The following ARMC7 variants were observed in gnomAD, a reference collection of about 807,000 sequenced individuals.
ARMC7 encodes armadillo repeat containing 7.
In ARMC7, 9 loss-of-function variants were observed where a neutral mutation model predicts 14.8. The observed-to-expected ratio is 0.61, with a 90% CI of 0.37 to 1.06. The LOEUF (loss-of-function observed/expected upper bound fraction) is 1.06. ARMC7 is among the 50% of genes least tolerant of loss of function. ARMC7 has a pLI of 0.01. For missense variants in ARMC7, 262 were observed against 267.1 expected, an observed-to-expected ratio of 0.98 and a Z score of 0.13; for synonymous variants, 125 against 123.4, an observed-to-expected ratio of 1.01 and a Z score of -0.09.
At chr17:75,117,072 T>C (rs190953308) in intron 2 of ARMC7, among the ~76,000 whole-genome samples, 35 of 152,258 alleles carry the variant, frequency 2.3e-4, no homozygotes, top group African/African-American at 8.2e-4. Context: ...GGCTTTGTTT[T>C]TGTTTTTGGT....
rs981930258 is a variant in ARMC7, at chr17:75,111,409, G to A, written c.235+803G>A. Among the ~76,000 whole-genome samples, 3 of 151,936 alleles carry A rather than the reference G, an allele frequency of 2.0e-5. No individual in the cohort carries two copies. In the South Asian group the frequency reaches 6.2e-4, roughly 32 times the overall value. ...TGTAGTGAGCCAAGATGGCACCACC[G>A]CACCCCAGCCTGGGCAACAGTGAGA... On this transcript the variant is annotated intron_variant, in intron 2 of 2. Transcript: ENST00000245543.
intron 2 of ARMC7, among the ~76,000 whole-genome samples, chr17:75,113,421 C>T (rs1313923543): frequency 1.3e-5 from 2 of 151,364 alleles, no homozygotes; most frequent in African/African-American, 4.9e-5. Flanking sequence ...GTGGCGCGAT[C>T]TCGGCTCACT....
intron 2 of ARMC7, among the ~76,000 whole-genome samples, chr17:75,113,480 A>G (rs1355450456): frequency 2.0e-5 from 3 of 147,680 alleles, no homozygotes; most frequent in Non-Finnish European, 4.5e-5. Context: ...TCAGCCTCCC[A>G]AGTAGCTGGG....
At chr17:75,119,829 T>C (rs1394434509) in intron 2 of ARMC7, among the ~76,000 whole-genome samples, 4 of 152,060 alleles carry the variant, frequency 2.6e-5, no homozygotes, top group Admixed American at 2.6e-4. Flanking sequence ...TAGCTGTATT[T>C]TGAGCTGCCC....
rs1280418296 is a variant in ARMC7, at chr17:75,110,545, C to A, written c.174C>A (p.Val58=). 6.2e-7 allele frequency: 1 copy of A among 1,614,226 alleles called. No individual in the cohort carries two copies. The change falls in exon 2 of 3, where the codon GTC becomes GTA. Residue 58 remains valine, a synonymous_variant. Coordinates refer to ENST00000245543, the MANE Select transcript of ARMC7 (RefSeq NM_024585.4). ...SNYEYLRQLQ[V]LDLFLDSLSE... is the part of the protein sequence containing the mutation. ...ACGAGTATCTGCGGCAGCTGCAGGT[C>A]CTGGATTTATTTCTCGATTCGCTGT... is the stretch of plus-strand genomic sequence containing the variant.
At chr17:75,110,434 C>G (rs1165696872) in intron 1 of ARMC7, 29 bp from the exon 2 acceptor site, 1 of 1,614,080 alleles carries the variant, frequency 6.2e-7, no homozygotes, top group African/African-American at 1.3e-5. Flanking sequence ...CCGCCCGGAC[C>G]TGGCTTCAGT....
intron 2 of ARMC7, among the ~76,000 whole-genome samples, chr17:75,124,850 A>G (rs2074039812): frequency 6.6e-6 from 1 of 152,208 alleles, no homozygotes; most frequent in African/African-American, 2.4e-5. Context: ...GGGTTCAGTC[A>G]TGTGTCCAGT....
At position 75,114,504 on chromosome 17, in the gene ARMC7, G is replaced by A. The variant is rs538753390; in HGVS notation, c.235+3898G>A. ...GGGTCCTGGAGTCCGCGGTCCCAGC[G>A]TCTCCACTTCTCAGCTGATTCCTAG... On this transcript the variant is annotated intron_variant, in intron 2 of 2. Transcript: ENST00000245543. 17 of 392,522 alleles carry A rather than the reference G, an allele frequency of 4.3e-5. No individual in the cohort carries two copies. In the South Asian group the frequency reaches 2.3e-3, roughly 53 times the overall value. 24.3% of individuals were successfully genotyped at this position (392,522 alleles called of 1,614,324 possible).
chr17:75,110,752 C>T (rs892802688), intron 2 of ARMC7, 146 bp downstream of exon 2: 2 of 1,123,706 alleles, frequency 1.8e-6, no homozygotes, highest in South Asian at 3.0e-5. Context: ...CACCTGAGGT[C>T]ATGAGTTCGA....
At chr17:75,124,852 G>A (rs2074039871) in intron 2 of ARMC7, among the ~76,000 whole-genome samples, 1 of 152,238 alleles carries the variant, frequency 6.6e-6, no homozygotes. Flanking sequence ...GTTCAGTCAT[G>A]TGTCCAGTGC....
intron 2 of ARMC7, among the ~76,000 whole-genome samples, chr17:75,113,213 G>A (rs1306325503): frequency 6.8e-6 from 1 of 146,780 alleles, no homozygotes; most frequent in Non-Finnish European, 1.5e-5. Context: ...TAGTAGAGAC[G>A]GGGTTTCACC....
At chr17:75,116,899 C>G (rs146352954) in intron 2 of ARMC7, among the ~76,000 whole-genome samples, 137 of 152,290 alleles carry the variant, frequency 9.0e-4, no homozygotes, top group African/African-American at 3.1e-3. Context: ...AGGTACCCTT[C>G]CATGCTGGCT....
chr17:75,115,696 AAAAACAAAC>A (rs767142922), intron 2 of ARMC7, among the ~76,000 whole-genome samples: 3 of 152,152 alleles, frequency 2.0e-5, no homozygotes, highest in Non-Finnish European at 2.9e-5. Context: ...CTGTCCCTAC[AAAAACAAAC>A]AAAACAAGTA....
chr17:75,114,583 G>C (rs2145120288), intron 2 of ARMC7: 1 of 394,986 alleles, frequency 2.5e-6, no homozygotes. Context: ...CCTTGCCTGC[G>C]TCGCAAGCAG....
intron 2 of ARMC7, chr17:75,114,038 G>A (rs2073953643): frequency 2.5e-6 from 1 of 397,516 alleles, no homozygotes; most frequent in Non-Finnish European, 4.5e-6. Flanking sequence ...GCCAGGGCAG[G>A]AGCCCCAGTT....
At chr17:75,121,745 G>A (rs1387165505) in intron 2 of ARMC7, among the ~76,000 whole-genome samples, 1 of 152,092 alleles carries the variant, frequency 6.6e-6, no homozygotes, top group Non-Finnish European at 1.5e-5. Context: ...ATTATGTTGA[G>A]TGTGTAGTGG....
At position 75,128,759 on chromosome 17, in the gene ARMC7, C is replaced by G. The variant is rs1337277526; in HGVS notation, c.318C>G (p.Cys106Trp). Residue 106 changes from cysteine (C) to tryptophan (W), a missense_variant, in exon 3 of 3, where the codon TGC becomes TGG. Physicochemically the swap from Cys to Trp is radical, Grantham distance 215 (BLOSUM62 -2). Coordinates refer to ENST00000245543, the MANE Select transcript of ARMC7 (RefSeq NM_024585.4). ...GAGGTGTCCCACTCATCATCAACTG[C>G]CTATCCAGCCCCAATGAGGAGACGG... ...HAGGVPLIIN[C>W]LSSPNEETVL... 6.2e-7 allele frequency: 1 copy of G among 1,613,586 alleles called. No individual in the cohort carries two copies. The highest frequency in any genetic ancestry group is 1.1e-5 in the South Asian group (1 of 91,080).
chr17:75,118,255 A>G (rs367603472), intron 2 of ARMC7, among the ~76,000 whole-genome samples: 38 of 152,156 alleles, frequency 2.5e-4, no homozygotes, highest in South Asian at 2.5e-3. Flanking sequence ...CTTGCTTCTC[A>G]GGGCTAGCTA....
chr17:75,112,612 G>C (rs2073934568), intron 2 of ARMC7, among the ~76,000 whole-genome samples: 1 of 116,174 alleles, frequency 8.6e-6, no homozygotes, highest in Non-Finnish European at 1.6e-5. Context: ...GTCTCACTCT[G>C]TCACTTAGGC....
Sources: gnomAD v4.1 joint callset for allele counts (sites outside exome capture counted in the v4.1 genomes callset) on GRCh38, gnomAD v4.1.1 for gene constraint, MANE v1.5 for transcripts, NCBI Gene and HGNC (gene_info 2026-07-23, HGNC 2026-07-21) for gene names.